Variants in SFMBT2 observed in about 807,000 individuals in gnomAD.
SFMBT2 encodes the protein Scm like with four mbt domains 2, also known as scm-like with four MBT domains protein 2.
In SFMBT2, 38 loss-of-function variants were observed where a neutral mutation model predicts 110.1. The observed-to-expected ratio is 0.35, with a 90% CI of 0.27 to 0.45. The LOEUF (loss-of-function observed/expected upper bound fraction) is 0.45. Ranked by LOEUF, SFMBT2 falls within the 20% of genes least tolerant of loss-of-function variation. The pLI is 1.00. For missense variants in SFMBT2, 1,011 were observed against 1,094.9 expected (o/e 0.92, Z 1.08); for synonymous variants, 425 against 425.4 (o/e 1.00, Z 0.01).
In SFMBT2 at chr10:7,367,708, G is replaced by T; in HGVS notation, c.377C>A (p.Ala126Glu). 6.2e-7 allele frequency: 1 copy of T among 1,613,968 alleles called. No individual in the cohort carries two copies. The highest frequency in any genetic ancestry group is 8.5e-7 in the Non-Finnish European group (1 of 1,180,038). The change falls in exon 4 of 21, where the codon GCG becomes GAG. Residue 126 changes from alanine (A) to glutamate (E), a missense_variant. Physicochemically the swap from Ala to Glu is moderately radical, Grantham distance 107 (BLOSUM62 -1). This residue lies in a region of SFMBT2 where 979 missense variants were observed against 1,016.1 expected (regional missense o/e 0.96). Transcript: ENST00000397167. This position sits in a 1 kb window ranked among gnomAD's most constrained non-coding sequence, Gnocchi z 6.2. ...GCACCACCCCACGGGGTGCAAATCC[G>T]CGATGACTACGTCACACCAGAAGTC... is the stretch of plus-strand genomic sequence containing the variant. The part of the protein sequence containing the change: ...RADFWCDVVI[A>E]DLHPVGWCTQ...
At chr10:7,399,729 C>G (rs1344723813) in intron 1 of SFMBT2, among the ~76,000 whole-genome samples, 2 of 152,252 alleles carry the variant, frequency 1.3e-5, no homozygotes, top group African/African-American at 2.4e-5. Flanking sequence ...CCAGAATGTG[C>G]TCCTGGCCTT....
chr10:7,321,345 G>A (rs1843181377), intron 4 of SFMBT2, among the ~76,000 whole-genome samples: 2 of 152,116 alleles, frequency 1.3e-5, no homozygotes, highest in African/African-American at 4.8e-5. Flanking sequence ...GGGACTACAG[G>A]CGCCCGCCAA....
At chr10:7,175,836 A>G (rs769626198) in intron 17 of SFMBT2, among the ~76,000 whole-genome samples, 154 bp downstream of exon 17, 25 of 152,224 alleles carry the variant, frequency 1.6e-4, no homozygotes, top group Non-Finnish European at 3.4e-4. Context: ...TATCTGCTAC[A>G]GCAAATCCTT....
chr10:7,273,917 T>C (rs1287107409), intron 7 of SFMBT2, among the ~76,000 whole-genome samples: 1 of 152,174 alleles, frequency 6.6e-6, no homozygotes, highest in African/African-American at 2.4e-5. Context: ...GACCCAGCCA[T>C]CCCATTACTG....
intron 10 of SFMBT2, among the ~76,000 whole-genome samples, chr10:7,225,123 A>G (rs2131664336): frequency 6.6e-6 from 1 of 152,316 alleles, no homozygotes; most frequent in Middle Eastern, 3.4e-3. Flanking sequence ...ATACAATCCC[A>G]TCGGCCGCTT....
In SFMBT2 at chr10:7,367,892, T is replaced by G. The variant is rs765182478; in HGVS notation, c.196-3A>C. 3.7e-6 allele frequency: 6 copies of G among 1,613,748 alleles called. No individual in the cohort carries two copies. Among genetic ancestry groups the G allele is most frequent in the Non-Finnish European group, 5.1e-6 (6 of 1,179,834 alleles). ...TTGCTCTGAATGCTGATTTCAACCT[T>G]AAGGAATCAGAAATAGAGAAAACCC... On this transcript the variant is annotated splice_region_variant and splice_polypyrimidine_tract_variant and intron_variant, in intron 3 of 20. Coordinates refer to ENST00000397167, the MANE Select transcript of SFMBT2 (RefSeq NM_001387889.1). The surrounding 1 kb of genome is among the most constrained non-coding windows in gnomAD (Gnocchi z 6.2).
intron 17 of SFMBT2, 51 bp downstream of exon 17, chr10:7,175,939 C>T (rs1564367570): frequency 6.6e-6 from 10 of 1,515,950 alleles, no homozygotes; most frequent in South Asian, 5.9e-5. Flanking sequence ...CCTTAGAGTG[C>T]AGTTTAGGTC....
At chr10:7,181,170 C>T (rs950212275) in intron 16 of SFMBT2, among the ~76,000 whole-genome samples, 11 of 144,416 alleles carry the variant, frequency 7.6e-5, no homozygotes, top group Non-Finnish European at 1.0e-4. Flanking sequence ...ACCCAGGAGG[C>T]GGGGGTTGCA....
chr10:7,308,923 CACTT>C lies in SFMBT2; in HGVS notation c.437-22973_437-22970del, dbSNP rs1286412127. ...TAGAAAGAAGAAAAATGAGCAAAGA[CACTT>C]ACGCACTTCCCAGAAATGGATATCC... On this transcript the variant is annotated intron_variant, in intron 4 of 20. Transcript: ENST00000397167. Among the ~76,000 whole-genome samples the C allele has an allele frequency of 5.9e-5, 9 of 152,284 alleles. No individual in the cohort carries two copies. In the East Asian group the frequency reaches 1.7e-3, roughly 29 times the overall value.
intron 6 of SFMBT2, among the ~76,000 whole-genome samples, chr10:7,277,804 C>T (rs1841831349): frequency 6.6e-6 from 1 of 152,222 alleles, no homozygotes; most frequent in Non-Finnish European, 1.5e-5. Context: ...CAGGCTACTT[C>T]AGACAGACGC....
chr10:7,327,876 A>G (rs1168733122), intron 4 of SFMBT2, among the ~76,000 whole-genome samples: 1 of 152,192 alleles, frequency 6.6e-6, no homozygotes, highest in Non-Finnish European at 1.5e-5. Context: ...CTGCTTAAAG[A>G]CACCTGGGCT....
intron 15 of SFMBT2, among the ~76,000 whole-genome samples, chr10:7,196,022 T>C (rs1838755222): frequency 6.6e-6 from 1 of 152,222 alleles, no homozygotes; most frequent in East Asian, 1.9e-4. Flanking sequence ...ATACCACTGA[T>C]GACCAGGAAG....
chr10:7,268,265 G>A (rs1192795317), intron 7 of SFMBT2, among the ~76,000 whole-genome samples: 1 of 152,142 alleles, frequency 6.6e-6, no homozygotes, highest in Non-Finnish European at 1.5e-5. Flanking sequence ...GGAAAACTGA[G>A]GCAACAAAGA....
chr10:7,304,896 G>A (rs747645541), intron 4 of SFMBT2, among the ~76,000 whole-genome samples: 6 of 152,128 alleles, frequency 3.9e-5, no homozygotes, highest in African/African-American at 7.2e-5. Flanking sequence ...TCCTAATTAC[G>A]TGAGAAGAAA....
At chr10:7,379,220 T>C (rs910542010) in intron 2 of SFMBT2, among the ~76,000 whole-genome samples, 6 of 152,046 alleles carry the variant, frequency 3.9e-5, no homozygotes, top group African/African-American at 1.4e-4. Flanking sequence ...GATGAGTAAG[T>C]CCCATCTGAA....
chr10:7,300,782 T>C (rs1842536137), intron 4 of SFMBT2, among the ~76,000 whole-genome samples: 2 of 152,252 alleles, frequency 1.3e-5, no homozygotes, highest in South Asian at 2.1e-4. Flanking sequence ...GAATGTTTTA[T>C]ATTTAGTGAG....
intron 4 of SFMBT2, among the ~76,000 whole-genome samples, chr10:7,325,321 T>C (rs1357934809): frequency 6.6e-6 from 1 of 152,124 alleles, no homozygotes; most frequent in African/African-American, 2.4e-5. Context: ...ACATAGGAAT[T>C]TGGGGAGTTC....
At chr10:7,333,535 G>C (rs1843624507) in intron 4 of SFMBT2, among the ~76,000 whole-genome samples, 1 of 151,932 alleles carries the variant, frequency 6.6e-6, no homozygotes, top group Admixed American at 6.6e-5. Flanking sequence ...TGGGACCACA[G>C]GTGTGTGCCA....
rs138824776 is a variant in SFMBT2 at position 7,207,900 on chromosome 10, T to C, written c.1331-1972A>G. Among the ~76,000 whole-genome samples, 143 of 152,342 alleles carry C rather than the reference T, an allele frequency of 9.4e-4. 1 individual carries two copies. The highest frequency in any genetic ancestry group is 3.4e-3 in the Middle Eastern group (1 of 294). On this transcript the variant is annotated intron_variant, in intron 11 of 20. Coordinates refer to ENST00000397167, the MANE Select transcript of SFMBT2 (RefSeq NM_001387889.1). ...CATTGTCATTCATCATTTTGAACTT[T>C]TGATTGGTTCTCAAATCAATTATCA...
Sources: allele counts gnomAD v4.1 joint callset (sites outside exome capture counted in the v4.1 genomes callset), GRCh38; gene constraint gnomAD v4.1.1; regional missense constraint gnomAD v4.1.1; non-coding constraint Gnocchi (gnomAD v3.1); transcripts MANE v1.5; gene names NCBI Gene and HGNC (gene_info 2026-07-23, HGNC 2026-07-21).